C3orf70: variants seen among roughly 807,000 people sequenced by gnomAD.
C3orf70 encodes chromosome 3 open reading frame 70.
In C3orf70, 15 loss-of-function variants were observed where a neutral mutation model predicts 20.7. The ratio of observed to expected loss-of-function variants is 0.72; its 90% confidence interval spans 0.48 to 1.11. The LOEUF (loss-of-function observed/expected upper bound fraction) is 1.11. Ranked by LOEUF, C3orf70 falls within the 50% of genes most tolerant of loss-of-function variation. The pLI is 0.00. For synonymous variants in C3orf70, 161 were observed against 125.7 expected (o/e 1.28, Z -1.88); for missense variants, 332 against 317.6 (o/e 1.05, Z -0.34).
chr3:185,116,880 G>A (rs1260945408), intron 1 of C3orf70, among the ~76,000 whole-genome samples: 5 of 151,652 alleles, frequency 3.3e-5, no homozygotes, highest in South Asian at 2.1e-4. Flanking sequence ...AGGGGTTCAC[G>A]CCATTCTCCT....
At chr3:185,139,536 G>A (rs1716702264) in intron 1 of C3orf70, among the ~76,000 whole-genome samples, 2 of 135,650 alleles carry the variant, frequency 1.5e-5, no homozygotes, top group African/African-American at 5.3e-5. Flanking sequence ...CTGGGTGACG[G>A]AGCAAGACTG....
At chr3:185,120,806 A>G (rs747252253) in intron 1 of C3orf70, among the ~76,000 whole-genome samples, 8 of 151,964 alleles carry the variant, frequency 5.3e-5, no homozygotes, top group Non-Finnish European at 1.2e-4. Context: ...TACAACCACT[A>G]TGGAAAACAG....
At chr3:185,142,905 A>G (rs1308639415) in intron 1 of C3orf70, among the ~76,000 whole-genome samples, 1 of 152,184 alleles carries the variant, frequency 6.6e-6, no homozygotes, top group African/African-American at 2.4e-5. Flanking sequence ...TTCTCCAAAC[A>G]GTTAACTTGG....
chr3:185,122,993 T>TA (rs34855665), intron 1 of C3orf70, among the ~76,000 whole-genome samples: 7,554 of 137,306 alleles, frequency 0.055, 639 homozygotes, highest in African/African-American at 0.19. Context: ...TCATCTCTAC[T>TA]AAAAAAAAAA....
At chr3:185,085,921 C>T (rs1048721146) in intron 1 of C3orf70, among the ~76,000 whole-genome samples, 2 of 152,152 alleles carry the variant, frequency 1.3e-5, no homozygotes, top group Non-Finnish European at 2.9e-5. Flanking sequence ...ATGAAGGTTT[C>T]GTCTTTTTCA....
At position 185,078,310 on chromosome 3, in the gene C3orf70, T is replaced by C. The variant is rs1223271183; in HGVS notation, c.*4697A>G. 2 of 152,586 alleles carry C rather than the reference T, an allele frequency of 1.3e-5. No individual in the cohort carries two copies. The highest frequency in any genetic ancestry group is 2.9e-5 in the Non-Finnish European group (2 of 68,022). 9.5% of individuals were successfully genotyped at this position (152,586 alleles called of 1,614,324 possible). On this transcript the variant is annotated 3_prime_UTR_variant, in exon 2 of 2. Transcript: ENST00000335012. ...AGCTCAATATTAAAGCCGCTAGTGA[T>C]AAGTCGCTTTGAGAAGTGTTCAGGC...
chr3:185,099,633 G>A (rs936962668), intron 1 of C3orf70, among the ~76,000 whole-genome samples: 1 of 151,946 alleles, frequency 6.6e-6, no homozygotes, highest in Non-Finnish European at 1.5e-5. Context: ...ACAGACCAGT[G>A]ACACTATAAA....
chr3:185,126,740 G>T (rs1364359951), intron 1 of C3orf70, among the ~76,000 whole-genome samples: 1 of 152,112 alleles, frequency 6.6e-6, no homozygotes, highest in Non-Finnish European at 1.5e-5. Flanking sequence ...AGTGCAAAAC[G>T]AAAATGCTGG....
intron 1 of C3orf70, among the ~76,000 whole-genome samples, chr3:185,143,215 A>C (rs1373153622): frequency 6.6e-6 from 1 of 152,192 alleles, no homozygotes; most frequent in Non-Finnish European, 1.5e-5. Context: ...AAGTGTCATG[A>C]TGTCTGCAAC....
At chr3:185,084,584 A>AG (rs1027887068) in intron 1 of C3orf70, among the ~76,000 whole-genome samples, 20 of 151,888 alleles carry the variant, frequency 1.3e-4, no homozygotes, top group African/African-American at 4.8e-4. Flanking sequence ...AAACACACAG[A>AG]GGGATGCAGA....
chr3:185,132,935 T>C (rs1324684108), intron 1 of C3orf70, among the ~76,000 whole-genome samples: 3 of 152,154 alleles, frequency 2.0e-5, no homozygotes, highest in Non-Finnish European at 4.4e-5. Flanking sequence ...TTCAAAGGAA[T>C]GACAACTGAC....
intron 1 of C3orf70, among the ~76,000 whole-genome samples, chr3:185,144,472 A>G (rs1716816163): frequency 6.6e-6 from 1 of 151,756 alleles, no homozygotes; most frequent in African/African-American, 2.4e-5. Context: ...TATATTGTTT[A>G]TTTATTTATT....
At chr3:185,086,549 C>G (rs12696542) in intron 1 of C3orf70, among the ~76,000 whole-genome samples, 53,972 of 151,678 alleles carry the variant, frequency 0.36, 10,860 homozygotes, top group Non-Finnish European at 0.47. Flanking sequence ...TCATCAGACA[C>G]TGACTTCTGC....
At chr3:185,091,963 ATTT>A (rs146504613) in intron 1 of C3orf70, among the ~76,000 whole-genome samples, 366 of 15,222 alleles carry the variant, frequency 0.024, 16 homozygotes, top group Middle Eastern at 0.1. Flanking sequence ...ATATATATAT[ATTT>A]TTTTTTTTTT....
At chr3:185,117,401 T>C (rs1457698825) in intron 1 of C3orf70, among the ~76,000 whole-genome samples, 1 of 150,934 alleles carries the variant, frequency 6.6e-6, no homozygotes, top group African/African-American at 2.4e-5. Flanking sequence ...GTTCTCACCA[T>C]TTGTGTACCA....
intron 1 of C3orf70, among the ~76,000 whole-genome samples, chr3:185,094,015 C>T (rs146171154): frequency 3.6e-4 from 55 of 151,662 alleles, no homozygotes; most frequent in African/African-American, 1.3e-3. Flanking sequence ...ATTTTAAATC[C>T]TCTCTAGATT....
rs1273903939 is a variant in C3orf70, at chr3:185,135,314, C to T, written c.196+17314G>A. ...AGCCTCAGAAAAGAAATAATCTTGG[C>T]AAAGACAAGAAGTATAAAGAACCAG... On this transcript the variant is annotated intron_variant, in intron 1 of 1. Coordinates refer to ENST00000335012, the MANE Select transcript of C3orf70 (RefSeq NM_001025266.3). Among the ~76,000 whole-genome samples, 36 of 152,068 alleles carry T rather than the reference C, an allele frequency of 2.4e-4. 1 individual carries two copies. Among genetic ancestry groups the T allele is most frequent in the Admixed American group, 2.4e-3 (36 of 15,256 alleles).
chr3:185,117,061 G>T (rs566324392), intron 1 of C3orf70, among the ~76,000 whole-genome samples: 1 of 152,140 alleles, frequency 6.6e-6, no homozygotes, highest in Non-Finnish European at 1.5e-5. Flanking sequence ...GATTACAGGC[G>T]TGAGCCACCG....
chr3:185,109,256 A>G (rs923881470), intron 1 of C3orf70, among the ~76,000 whole-genome samples: 2 of 152,252 alleles, frequency 1.3e-5, no homozygotes, highest in Non-Finnish European at 2.9e-5. Context: ...CAAAGACAGA[A>G]GCAAAACAAT....
Sources: allele counts gnomAD v4.1 joint callset (sites outside exome capture counted in the v4.1 genomes callset), GRCh38; gene constraint gnomAD v4.1.1; transcripts MANE v1.5; gene names NCBI Gene and HGNC (gene_info 2026-07-23, HGNC 2026-07-21).